The following STYXL2 variants were observed in gnomAD, a reference collection of about 807,000 sequenced individuals.
STYXL2 encodes the protein serine/threonine/tyrosine interacting like 2, also known as serine/threonine/tyrosine-interacting-like protein 2.
Under a neutral mutation model 52.4 loss-of-function variants are expected in STYXL2, and 44 were observed. The ratio of observed to expected loss-of-function variants is 0.84; its 90% CI spans 0.66 to 1.08. The LOEUF (loss-of-function observed/expected upper bound fraction) is 1.08. Among genes scored for constraint, STYXL2 ranks in the 50% least tolerant of loss-of-function variants. The probability of loss-of-function intolerance (pLI) is 0.00; values close to 1 mark genes in which losing one functional copy is unlikely to be tolerated. For synonymous variants in STYXL2, 604 were observed against 586.9 expected (o/e 1.03, Z -0.42); for missense variants, 1,604 against 1,471.7 (o/e 1.09, Z -1.47).
At chr1:167,109,291 A>G (rs1667569034) in intron 2 of STYXL2, among the ~76,000 whole-genome samples, 1 of 152,182 alleles carries the variant, frequency 6.6e-6, no homozygotes, top group Non-Finnish European at 1.5e-5. Flanking sequence ...AGCCTGGGGC[A>G]AGATCTCATC....
chr1:167,126,943 C>G lies in STYXL2; in HGVS notation c.1812C>G (p.Asn604Lys). The change falls in exon 6 of 6, where the codon AAC becomes AAG. Residue 604 changes from asparagine (N) to lysine (K), a missense_variant. Coordinates refer to ENST00000361200, the MANE Select transcript of STYXL2 (RefSeq NM_001080426.3). ...ACCAGAAGAAGGTGGGCAGTGAGAA[C>G]AAGGAGGAGGTGGTGGAGCTCAGCA... Reference protein sequence around the residue: ...LKHQKKVGSENKEEVVELSKG... With the variant: ...LKHQKKVGSEKKEEVVELSKG... 2.5e-6 allele frequency: 4 copies of G among 1,611,318 alleles called. No homozygotes were observed. Among genetic ancestry groups the G allele is most frequent in the Non-Finnish European group, 3.4e-6 (4 of 1,178,690 alleles).
intron 2 of STYXL2, among the ~76,000 whole-genome samples, chr1:167,102,592 T>C (rs1476810187): frequency 6.6e-6 from 1 of 152,178 alleles, no homozygotes; most frequent in Non-Finnish European, 1.5e-5. Context: ...ACAACAAAAT[T>C]TTTTCAGTAA....
At chr1:167,110,855 C>T (rs979063450) in intron 2 of STYXL2, among the ~76,000 whole-genome samples, 5 of 152,200 alleles carry the variant, frequency 3.3e-5, no homozygotes, top group African/African-American at 1.2e-4. Flanking sequence ...TTCCCCAACC[C>T]CTCTCTTGTA....
At chr1:167,112,816 A>G (rs1342370886) in intron 2 of STYXL2, among the ~76,000 whole-genome samples, 1 of 152,226 alleles carries the variant, frequency 6.6e-6, no homozygotes, top group Non-Finnish European at 1.5e-5. Flanking sequence ...TTAAATTCAT[A>G]GAAGGCACTC....
chr1:167,094,985 T>C, intron 2 of STYXL2, 26 bp downstream of exon 2: 4 of 1,552,260 alleles, frequency 2.6e-6, no homozygotes, highest in Non-Finnish European at 3.5e-6. Flanking sequence ...TCTCCCACCC[T>C]CACAGCCCCA....
chr1:167,099,406 A>G (rs72691515), intron 2 of STYXL2, among the ~76,000 whole-genome samples: 1,595 of 152,376 alleles, frequency 0.01, 14 homozygotes, highest in Non-Finnish European at 0.015. Context: ...CATTCTTACC[A>G]TGTACACATG....
chr1:167,119,483 G>C lies in STYXL2; in HGVS notation c.655+17G>C. The C allele has an allele frequency of 6.2e-7, 1 of 1,605,410 alleles. No homozygotes were observed. The highest frequency in any genetic ancestry group is 2.2e-5 in the East Asian group (1 of 44,844). On this transcript the variant is annotated intron_variant, in intron 5 of 5. Coordinates refer to ENST00000361200, the MANE Select transcript of STYXL2 (RefSeq NM_001080426.3). Reference sequence around the variant, plus strand: ...CTTACAGAGGTGAGAGGGATCTGCCGCTCCAGGCTGCTGGAATTCCACGGG... The same window carrying C: ...CTTACAGAGGTGAGAGGGATCTGCCCCTCCAGGCTGCTGGAATTCCACGGG...
chr1:167,116,427 A>G (rs1358209217), intron 3 of STYXL2, among the ~76,000 whole-genome samples: 2 of 152,162 alleles, frequency 1.3e-5, no homozygotes, highest in African/African-American at 4.8e-5. Flanking sequence ...GCTGAGAATC[A>G]TAGGTCCTTA....
chr1:167,100,974 A>T (rs567955846), intron 2 of STYXL2, among the ~76,000 whole-genome samples: 3 of 152,344 alleles, frequency 2.0e-5, no homozygotes, highest in Non-Finnish European at 2.9e-5. Flanking sequence ...TACTTCACAG[A>T]ACCACACCTA....
chr1:167,099,251 C>T (rs1009357998), intron 2 of STYXL2, among the ~76,000 whole-genome samples: 1 of 152,066 alleles, frequency 6.6e-6, no homozygotes, highest in Non-Finnish European at 1.5e-5. Context: ...TTAAAACTAT[C>T]TCAGCAACTG....
chr1:167,109,004 G>C (rs1370867427), intron 2 of STYXL2, among the ~76,000 whole-genome samples: 5 of 152,164 alleles, frequency 3.3e-5, no homozygotes, highest in Non-Finnish European at 5.9e-5. Flanking sequence ...AGCAGGAAGA[G>C]CCCTGTAAGC....
chr1:167,120,963 C>T (rs1667845042), intron 5 of STYXL2, among the ~76,000 whole-genome samples: 1 of 150,454 alleles, frequency 6.6e-6, no homozygotes, highest in Non-Finnish European at 1.5e-5. Flanking sequence ...CATACACACA[C>T]TCACATATAT....
At position 167,126,875 on chromosome 1, in the gene STYXL2, T is replaced by A. The variant is rs1474999820; in HGVS notation, c.1744T>A (p.Ser582Thr). 5.0e-6 allele frequency: 8 copies of A among 1,613,108 alleles called. No individual in the cohort carries two copies. Among genetic ancestry groups the A allele is most frequent in the Non-Finnish European group, 6.8e-6 (8 of 1,179,484 alleles). The stretch of plus-strand genomic sequence containing the variant: ...GGAGGCAGTAGGGGAGAAGAACCCC[T>A]CCGACGTCAGCCTGACAGCCTACCA... ...AEEAVGEKNP[S>T]DVSLTAYQAW... The change falls in exon 6 of 6, where the codon TCC becomes ACC. Residue 582 changes from serine (S) to threonine (T), a missense_variant. By Grantham distance (58) the Ser-to-Thr change is moderately conservative. Coordinates refer to ENST00000361200, the MANE Select transcript of STYXL2 (RefSeq NM_001080426.3).
chr1:167,113,634 C>A, intron 2 of STYXL2, 76 bp from the exon 3 acceptor site: 1 of 1,164,210 alleles, frequency 8.6e-7, no homozygotes. Context: ...AAATCAAAGC[C>A]AGGTTTCTCA....
intron 2 of STYXL2, among the ~76,000 whole-genome samples, chr1:167,107,081 A>G (rs1157102798): frequency 6.6e-6 from 1 of 152,124 alleles, no homozygotes; most frequent in Non-Finnish European, 1.5e-5. Flanking sequence ...TGCAAGGTCC[A>G]TTTCTAAGAG....
At chr1:167,121,945 C>T (rs1667864991) in intron 5 of STYXL2, among the ~76,000 whole-genome samples, 1 of 152,202 alleles carries the variant, frequency 6.6e-6, no homozygotes, top group South Asian at 2.1e-4. Context: ...TAGAATTACT[C>T]CCTGAGCCTT....
Position 167,120,266 on chromosome 1 carries a change from C to T in STYXL2, c.655+800C>T, listed in dbSNP as rs73031175. 8.2e-3 allele frequency among the ~76,000 whole-genome samples: 1,241 copies of T among 152,228 alleles called. 6 individuals are homozygous for T. The highest frequency in any genetic ancestry group is 0.028 in the African/African-American group (1,153 of 41,540). ...AGAGGTGGAGCCCAGGCAATGGGGC[C>T]GACAGCCTGGCTGGGAAGAGTTGAG... On this transcript the variant is annotated intron_variant, in intron 5 of 5. Transcript: ENST00000361200.
chr1:167,111,911 A>G (rs1667630872), intron 2 of STYXL2, among the ~76,000 whole-genome samples: 1 of 152,174 alleles, frequency 6.6e-6, no homozygotes, highest in Non-Finnish European at 1.5e-5. Flanking sequence ...TGAGTTGATT[A>G]GCAGAACAAT....
In STYXL2 at chr1:167,128,345, G is replaced by A. The variant is rs377323192; in HGVS notation, c.3214G>A (p.Glu1072Lys). Reference protein sequence around the residue: ...WARSRDWEDVEESSKSDFSEF... With the variant: ...WARSRDWEDVKESSKSDFSEF... ...CAGGTCCAGGGACTGGGAAGATGTG[G>A]AAGAGTCATCCAAGTCAGACTTCTC... is the stretch of plus-strand genomic sequence containing the variant. The change falls in exon 6 of 6, where the codon GAA (glutamate) becomes AAA (lysine). Residue 1072 changes from glutamate to lysine, a missense_variant. Physicochemically the swap from Glu to Lys is moderately conservative, Grantham distance 56. Transcript: ENST00000361200. The A allele has an allele frequency of 6.2e-7, 1 of 1,614,172 alleles. No individual in the cohort carries two copies. The highest frequency in any genetic ancestry group is 8.5e-7 in the Non-Finnish European group (1 of 1,180,022).
Sources: gnomAD v4.1 joint callset for allele counts (sites outside exome capture counted in the v4.1 genomes callset) on GRCh38, gnomAD v4.1.1 for gene constraint, MANE v1.5 for transcripts, NCBI Gene and HGNC (gene_info 2026-07-23, HGNC 2026-07-21) for gene names.